Variants in OR5B2 observed in about 807,000 individuals in gnomAD.
OR5B2 encodes olfactory receptor family 5 subfamily B member 2.
For synonymous variants in OR5B2, 163 were observed against 140.8 expected (o/e 1.16, Z -1.11); for missense variants, 411 against 367.0 (o/e 1.12, Z -0.98).
In OR5B2 at chr11:58,422,998, C is replaced by G; in HGVS notation, c.264G>C (p.Lys88Asn). The change falls in exon 3 of 3, where the codon AAG becomes AAC. Residue 88 changes from lysine to asparagine, a missense_variant. By Grantham distance (94) the Lys-to-Asn change is moderately conservative. Transcript: ENST00000641342. ...CAGCACATGCATTGTAGGAGATGAC[C>G]TTGTCTCCTCTAAGGAACCCAGCCA... is the stretch of plus-strand genomic sequence containing the variant. ...KVMAGFLRGD[K>N]VISYNACAVQ... 6.2e-7 allele frequency: 1 copy of G among 1,613,774 alleles called. No individual in the cohort carries two copies. Among genetic ancestry groups the G allele is most frequent in the Non-Finnish European group, 8.5e-7 (1 of 1,179,814 alleles).
In OR5B2 at chr11:58,421,603, A is replaced by G. The variant is rs1017852189; in HGVS notation, c.*729T>C. On this transcript the variant is annotated 3_prime_UTR_variant, in exon 3 of 3. Coordinates refer to ENST00000641342, the MANE Select transcript of OR5B2 (RefSeq NM_001005566.3). ...TACTCAATATGATACTATAATGATA[A>G]ATAGATGTCATTATACATTTATTCA... 6.6e-6 allele frequency: 1 copy of G among 152,112 alleles called. No homozygotes were observed. The highest frequency in any genetic ancestry group is 2.4e-5 in the African/African-American group (1 of 41,432). 9.4% of individuals were successfully genotyped at this position (152,112 alleles called of 1,614,324 possible).
chr11:58,421,619 C>T lies in OR5B2; in HGVS notation c.*713G>A, dbSNP rs1855272969. On this transcript the variant is annotated 3_prime_UTR_variant, in exon 3 of 3. Transcript: ENST00000641342. ...ATAATGATAAATAGATGTCATTATACATTTATTCAAATCCATAGAAGGGAC... is the reference window on the plus strand; with the variant it reads ...ATAATGATAAATAGATGTCATTATATATTTATTCAAATCCATAGAAGGGAC... The T allele has an allele frequency of 6.6e-6, 1 of 152,030 alleles. No homozygotes were observed. Among genetic ancestry groups the T allele is most frequent in the African/African-American group, 2.4e-5 (1 of 41,404 alleles). The allele number at this position is 152,030 out of a possible 1,614,324, so 9.4% of individuals were successfully genotyped here.
Position 58,423,026 on chromosome 11 carries a change from A to G in OR5B2, c.236T>C (p.Val79Ala). Residue 79 changes from valine (V) to alanine (A), a missense_variant, in exon 3 of 3, where the codon GTC becomes GCC. By Grantham distance (64) the Val-to-Ala change is moderately conservative. Transcript: ENST00000641342. ...FGYSSAVTPKVMAGFLRGDKV... is the reference protein window; with the variant it reads ...FGYSSAVTPKAMAGFLRGDKV... ...GTCTCCTCTAAGGAACCCAGCCATG[A>G]CCTTGGGAGTGACAGCTGAGGAGTA... The G allele has an allele frequency of 6.2e-7, 1 of 1,613,792 alleles. No homozygotes were observed. The highest frequency in any genetic ancestry group is 8.5e-7 in the Non-Finnish European group (1 of 1,179,804).
chr11:58,423,473 A>C (rs1855304678), intron 2 of OR5B2, among the ~76,000 whole-genome samples, 184 bp from the exon 3 acceptor site: 1 of 152,164 alleles, frequency 6.6e-6, no homozygotes, highest in African/African-American at 2.4e-5. Context: ...TGCTGAATCC[A>C]GGGGATCTTT....
At chr11:58,423,546 G>A (rs1290406574) in intron 2 of OR5B2, among the ~76,000 whole-genome samples, 1 of 151,988 alleles carries the variant, frequency 6.6e-6, no homozygotes, top group Admixed American at 6.6e-5. Flanking sequence ...TATATTTAAT[G>A]ATGTGTCCAA....
rs1368565765 is a variant in OR5B2 at position 58,421,683 on chromosome 11, A to G, written c.*649T>C. 1 of 152,104 alleles carries G rather than the reference A, an allele frequency of 6.6e-6. No homozygotes were observed. 9.4% of individuals were successfully genotyped at this position (152,104 alleles called of 1,614,324 possible). A position where few individuals can be genotyped will look rare whatever the true frequency, so the allele number is the denominator to read the frequency against. On this transcript the variant is annotated 3_prime_UTR_variant, in exon 3 of 3. Coordinates refer to ENST00000641342, the MANE Select transcript of OR5B2 (RefSeq NM_001005566.3). The stretch of plus-strand genomic sequence containing the variant: ...AATCCTAATGTAAATTATGGTCTTG[A>G]GATGATAATGATGTGTCAATGTAGG...
Position 58,422,913 on chromosome 11 carries a change from C to A in OR5B2, c.349G>T (p.Ala117Ser). 1 of 1,613,788 alleles carries A rather than the reference C, an allele frequency of 6.2e-7. No homozygotes were observed. Among genetic ancestry groups the A allele is most frequent in the East Asian group, 2.2e-5 (1 of 44,858 alleles). Residue 117 changes from alanine (A) to serine (S), a missense_variant, in exon 3 of 3, where the codon GCC (alanine) becomes TCC (serine). Ala to Ser is a moderately conservative substitution (Grantham distance 99, BLOSUM62 1). Transcript: ENST00000641342. Reference protein sequence around the residue: ...TVENYLLASMAYDRYAAVCKP... With the variant: ...TVENYLLASMSYDRYAAVCKP... ...CACACTGCTGCATAGCGGTCATAGG[C>A]CATTGAGGCCAACAAGTAATTTTCC...
intron 1 of OR5B2, among the ~76,000 whole-genome samples, chr11:58,427,710 G>C (rs1855354009): frequency 6.6e-6 from 1 of 152,158 alleles, no homozygotes; most frequent in Non-Finnish European, 1.5e-5. Context: ...GGAAAACTGT[G>C]AATCAGTCCC....
rs549100221 is a variant in OR5B2 at position 58,422,633 on chromosome 11, A to G, written c.629T>C (p.Leu210Pro). The change falls in exon 3 of 3, where the codon CTA becomes CCA. Residue 210 changes from leucine to proline, a missense_variant. Transcript: ENST00000641342. ...MSSFNIFFVLLVIFISYLFIF... is the reference protein window; with the variant it reads ...MSSFNIFFVLPVIFISYLFIF... ...GAACAAGTAGGAGATAAAGATAACTAGAAGAACAAAAAAGATATTAAAGCT... is the reference window on the plus strand; with the variant it reads ...GAACAAGTAGGAGATAAAGATAACTGGAAGAACAAAAAAGATATTAAAGCT... 293 of 1,613,676 alleles carry G rather than the reference A, an allele frequency of 1.8e-4. No individual in the cohort carries two copies. Among genetic ancestry groups the G allele is most frequent in the Middle Eastern group, 3.3e-4 (2 of 6,056 alleles).
chr11:58,422,429 A>G lies in OR5B2; in HGVS notation c.833T>C (p.Met278Thr), dbSNP rs1041854866. The G allele has an allele frequency of 3.1e-6, 5 of 1,613,746 alleles. No individual in the cohort carries two copies. Among genetic ancestry groups the G allele is most frequent in the Non-Finnish European group, 4.2e-6 (5 of 1,179,792 alleles). ...CACAGGGTTCAGCATGGGGATGATCATAGCATAGAACACAGATGCCATTTT... is the reference window on the plus strand; with the variant it reads ...CACAGGGTTCAGCATGGGGATGATCGTAGCATAGAACACAGATGCCATTTT... ...TDKMASVFYA[M>T]IIPMLNPVVY... The change falls in exon 3 of 3, where the codon ATG becomes ACG. Residue 278 changes from methionine to threonine, a missense_variant. By Grantham distance (81) the Met-to-Thr change is moderately conservative (BLOSUM62 -1). Coordinates refer to ENST00000641342, the MANE Select transcript of OR5B2 (RefSeq NM_001005566.3).
rs1189520846 is a variant in OR5B2, at chr11:58,422,336, AG to A, written c.925del (p.Leu309TyrfsTer40). The A allele has an allele frequency of 6.3e-7, 1 of 1,595,472 alleles. No individual in the cohort carries two copies. Among genetic ancestry groups the A allele is most frequent in the Admixed American group, 1.7e-5 (1 of 59,068 alleles). On this transcript the variant is annotated frameshift_variant, in exon 3 of 3. Coordinates refer to ENST00000641342, the MANE Select transcript of OR5B2 (RefSeq NM_001005566.3). LOFTEE classifies it high-confidence loss of function. ...AACAATGTTAAAATTCCAAACTTAT[AG>A]AAATTTTTGCCTTCTCAACACTTTC... ...FKKVLRRQKFL is the reference protein window; with the variant it reads ...FKKVLRRQKFX
intron 2 of OR5B2, among the ~76,000 whole-genome samples, chr11:58,423,935 A>G (rs1855311525): frequency 6.6e-6 from 1 of 152,164 alleles, no homozygotes; most frequent in African/African-American, 2.4e-5. Flanking sequence ...AGGAAAATGC[A>G]CATTAAGGGT....
intron 2 of OR5B2, among the ~76,000 whole-genome samples, chr11:58,423,696 G>T (rs578038498): frequency 6.6e-6 from 1 of 152,216 alleles, no homozygotes; most frequent in South Asian, 2.1e-4. Context: ...AATATAATGA[G>T]GTTGATTCGT....
rs1855269255 is a variant in OR5B2, at chr11:58,421,303, T to G, written c.*1029A>C. 1 of 152,100 alleles carries G rather than the reference T, an allele frequency of 6.6e-6. No homozygotes were observed. Among genetic ancestry groups the G allele is most frequent in the Non-Finnish European group, 1.5e-5 (1 of 68,006 alleles). 9.4% of individuals were successfully genotyped at this position (152,100 alleles called of 1,614,324 possible). On this transcript the variant is annotated 3_prime_UTR_variant, in exon 3 of 3. Transcript: ENST00000641342. The stretch of plus-strand genomic sequence containing the variant: ...AGCAACCAAAATATCCTTCAGTAGG[T>G]ACATGAATAAAGTGTGATACCACTT...
At position 58,423,299 on chromosome 11, in the gene OR5B2, T is replaced by C. The variant is rs376192729; in HGVS notation, c.-28-10A>G. 36 of 1,304,626 alleles carry C rather than the reference T, an allele frequency of 2.8e-5. No individual in the cohort carries two copies. In the African/African-American group the frequency reaches 5.3e-4, roughly 19 times the overall value. The allele number at this position is 1,304,626 out of a possible 1,614,324, so 80.8% of individuals were successfully genotyped here. ...AGAAACTTAAGATGACCTGTAGCAA[T>C]GAGAAATAAAGCAATAGAGTGATAA... On this transcript the variant is annotated splice_polypyrimidine_tract_variant and intron_variant, in intron 2 of 2. Transcript: ENST00000641342.
At position 58,422,116 on chromosome 11, in the gene OR5B2, A is replaced by C. The variant is rs1266549600; in HGVS notation, c.*216T>G. 8.6e-5 allele frequency: 35 copies of C among 408,228 alleles called. No individual in the cohort carries two copies. In the Admixed American group the frequency reaches 1.3e-3, roughly 15 times the overall value. 25.3% of individuals were successfully genotyped at this position (408,228 alleles called of 1,614,324 possible). On this transcript the variant is annotated 3_prime_UTR_variant, in exon 3 of 3. Coordinates refer to ENST00000641342, the MANE Select transcript of OR5B2 (RefSeq NM_001005566.3). ...TAGTAAGTTTTGACCAGCAAGTTCC[A>C]AAAATTCTAACATTTCCATTTAGCC...
At chr11:58,425,612 C>A (rs1855327382) in intron 2 of OR5B2, among the ~76,000 whole-genome samples, 1 of 151,834 alleles carries the variant, frequency 6.6e-6, no homozygotes, top group Non-Finnish European at 1.5e-5. Context: ...AAAAAAAGCT[C>A]CAAGTTCTCT....
Position 58,421,999 on chromosome 11 carries a change from G to T in OR5B2, c.*333C>A. 1 of 186,308 alleles carries T rather than the reference G, an allele frequency of 5.4e-6. No homozygotes were observed. Among genetic ancestry groups the T allele is most frequent in the Non-Finnish European group, 1.1e-5 (1 of 89,360 alleles). The allele number at this position is 186,308 out of a possible 1,614,324, so 11.5% of individuals were successfully genotyped here. A position where few individuals can be genotyped will look rare whatever the true frequency, so the allele number is the denominator to read the frequency against. On this transcript the variant is annotated 3_prime_UTR_variant, in exon 3 of 3. Transcript: ENST00000641342. ...GAGGCATAAACATGTACTTTTTTGTGGGCTTGTTGGTGTCCCTGTTTAACA... is the reference window on the plus strand; with the variant it reads ...GAGGCATAAACATGTACTTTTTTGTTGGCTTGTTGGTGTCCCTGTTTAACA...
chr11:58,426,698 G>A (rs1046462526), intron 1 of OR5B2, 22 bp from the exon 2 acceptor site: 1 of 152,100 alleles, frequency 6.6e-6, no homozygotes, highest in Non-Finnish European at 1.5e-5. Context: ...AGAAAGAAAA[G>A]CTCCTATTTA....
Sources: allele counts gnomAD v4.1 joint callset (sites outside exome capture counted in the v4.1 genomes callset), GRCh38; gene constraint gnomAD v4.1.1; transcripts MANE v1.5; gene names NCBI Gene and HGNC (gene_info 2026-07-23, HGNC 2026-07-21).